Variants in ABCD3 observed in about 807,000 individuals in gnomAD.
The protein encoded by ABCD3 is ATP binding cassette subfamily D member 3.
A neutral mutation model predicts 105.5 loss-of-function variants in ABCD3; 41 were observed. The ratio of observed to expected loss-of-function variants is 0.39; its 90% CI spans 0.30 to 0.50. The LOEUF (loss-of-function observed/expected upper bound fraction) is 0.50. Ranked by LOEUF, ABCD3 falls within the 20% of genes least tolerant of loss-of-function variation. ABCD3 has a pLI of 0.84. For synonymous variants in ABCD3, 258 were observed against 269.0 expected, an observed-to-expected ratio of 0.96 and a Z score of 0.40; for missense variants, 622 against 806.3, an observed-to-expected ratio of 0.77 and a Z score of 2.77.
At chr1:94,441,560 G>T (rs1468086502) in intron 1 of ABCD3, among the ~76,000 whole-genome samples, 1 of 152,118 alleles carries the variant, frequency 6.6e-6, no homozygotes, top group African/African-American at 2.4e-5. Flanking sequence ...GGCATTTCTT[G>T]TTATTACAAA....
intron 1 of ABCD3, among the ~76,000 whole-genome samples, chr1:94,423,885 G>GC (rs990429615): frequency 2.6e-5 from 4 of 151,966 alleles, no homozygotes; most frequent in African/African-American, 9.7e-5. Flanking sequence ...CCTTAAATCT[G>GC]CCCCATTCAA....
upstream of ABCD3, among the ~76,000 whole-genome samples, chr1:94,414,837 A>C (rs1222701396): frequency 1.3e-5 from 2 of 152,036 alleles, no homozygotes; most frequent in Non-Finnish European, 2.9e-5. Flanking sequence ...ATAATAAATT[A>C]CCCCCAAATT....
chr1:94,430,223 A>G (rs1451725676), intron 1 of ABCD3, among the ~76,000 whole-genome samples: 1 of 152,186 alleles, frequency 6.6e-6, no homozygotes, highest in Non-Finnish European at 1.5e-5. Context: ...TCTAGGAAGT[A>G]ACTAACTTGC....
the ABCD3 span, among the ~76,000 whole-genome samples, chr1:94,413,050 CA>C: frequency 2.5e-4 from 37 of 150,470 alleles, no homozygotes; most frequent in African/African-American, 8.1e-4. Flanking sequence ...TTTTTAATCA[CA>C]AAAAAAATGT....
At chr1:94,458,871 T>TC (rs1046912393) in intron 2 of ABCD3, among the ~76,000 whole-genome samples, 15 of 150,810 alleles carry the variant, frequency 9.9e-5, no homozygotes, top group Admixed American at 6.0e-4. Context: ...GATATTAGTT[T>TC]CCCCCCCTCT....
the ABCD3 span, among the ~76,000 whole-genome samples, chr1:94,400,179 G>A: frequency 5.9e-5 from 9 of 152,098 alleles, no homozygotes; most frequent in Admixed American, 4.6e-4. Context: ...AGGACAAGGC[G>A]GGCAGATCAC....
intron 1 of ABCD3, among the ~76,000 whole-genome samples, chr1:94,437,823 A>T (rs1659961806): frequency 6.6e-6 from 1 of 152,230 alleles, no homozygotes; most frequent in African/African-American, 2.4e-5. Context: ...TCATAGAAGA[A>T]GGTCAGAATA....
At chr1:94,482,216 A>G (rs980802294) in intron 9 of ABCD3, 1 of 152,212 alleles carries the variant, frequency 6.6e-6, no homozygotes, top group Non-Finnish European at 1.5e-5. Flanking sequence ...GAAACGCGTG[A>G]CAAATGTGTC....
chr1:94,395,079 C>A, the ABCD3 span, among the ~76,000 whole-genome samples: 1 of 152,156 alleles, frequency 6.6e-6, no homozygotes, highest in African/African-American at 2.4e-5. Context: ...TTACTGTTAC[C>A]TTAGCCACTA....
At chr1:94,507,260 G>A (rs910379604) in intron 21 of ABCD3, among the ~76,000 whole-genome samples, 6 of 151,966 alleles carry the variant, frequency 3.9e-5, no homozygotes, top group South Asian at 2.1e-4. Context: ...TTGTTCTTGC[G>A]AAAGTTTACT....
At chr1:94,507,255 C>T (rs933381477) in intron 21 of ABCD3, among the ~76,000 whole-genome samples, 1 of 150,990 alleles carries the variant, frequency 6.6e-6, no homozygotes, top group African/African-American at 2.4e-5. Context: ...GTTTTTTGTT[C>T]TTGCGAAAGT....
At chr1:94,456,909 C>T (rs1265341923) in intron 1 of ABCD3, among the ~76,000 whole-genome samples, 1 of 152,132 alleles carries the variant, frequency 6.6e-6, no homozygotes. Context: ...TCCTTGCCAA[C>T]AGTTATCTTT....
intron 10 of ABCD3, 73 bp downstream of exon 10, chr1:94,483,312 GAC>G (rs1649116279): frequency 1.8e-6 from 2 of 1,114,250 alleles, no homozygotes; most frequent in Admixed American, 3.5e-5. Context: ...GCCTATGGCC[GAC>G]ACACATACAC....
intron 1 of ABCD3, among the ~76,000 whole-genome samples, chr1:94,437,595 A>G (rs1019029113): frequency 1.3e-5 from 2 of 152,258 alleles, no homozygotes; most frequent in African/African-American, 4.8e-5. Context: ...GAGATGTACA[A>G]GGAGATTAAT....
At chr1:94,493,358 G>A (rs1649629235) in intron 16 of ABCD3, among the ~76,000 whole-genome samples, 1 of 151,892 alleles carries the variant, frequency 6.6e-6, no homozygotes, top group South Asian at 2.1e-4. Flanking sequence ...ACCATCACTG[G>A]CCATCAGAGA....
intron 2 of ABCD3, among the ~76,000 whole-genome samples, chr1:94,461,289 A>C (rs776111091): frequency 1.3e-5 from 2 of 152,014 alleles, no homozygotes; most frequent in East Asian, 3.9e-4. Context: ...ATCCTTTGTG[A>C]TGGAGATAGG....
At chr1:94,501,846 T>G (rs1233021047) in intron 20 of ABCD3, among the ~76,000 whole-genome samples, 2 of 151,900 alleles carry the variant, frequency 1.3e-5, no homozygotes, top group East Asian at 3.9e-4. Context: ...ATAAAATTTT[T>G]AGTGTTTTTT....
chr1:94,516,588 C>A (rs1320723613), intron 22 of ABCD3, among the ~76,000 whole-genome samples: 1 of 151,706 alleles, frequency 6.6e-6, no homozygotes, highest in Non-Finnish European at 1.5e-5. Context: ...GAGGGGAACA[C>A]AACTAGAATG....
chr1:94,394,016 A>G, the ABCD3 span, among the ~76,000 whole-genome samples: 1 of 152,186 alleles, frequency 6.6e-6, no homozygotes, highest in South Asian at 2.1e-4. Flanking sequence ...CTGAAATCCA[A>G]AGAGTTCTTT....
Sources: gnomAD v4.1 joint callset for allele counts (sites outside exome capture counted in the v4.1 genomes callset) on GRCh38, gnomAD v4.1.1 for gene constraint, MANE v1.5 for transcripts, NCBI Gene and HGNC (gene_info 2026-07-23, HGNC 2026-07-21) for gene names.